SPMIP7: variants seen among roughly 807,000 people sequenced by gnomAD.
SPMIP7 encodes sperm microtubule inner protein 7.
chr7:50,120,346 A>AT, the SPMIP7 span: 1 of 152,160 alleles, frequency 6.6e-6, no homozygotes, highest in Admixed American at 6.6e-5. Context: ...AAATCTTGAA[A>AT]TTTGTAGCCA....
At chr7:50,131,917 G>A in the SPMIP7 span, among the ~76,000 whole-genome samples, 1 of 152,064 alleles carries the variant, frequency 6.6e-6, no homozygotes, top group South Asian at 2.1e-4. Flanking sequence ...GGACCTCAAA[G>A]CACTCCATAT....
chr7:50,115,030 C>CA, the SPMIP7 span, among the ~76,000 whole-genome samples: 614 of 113,648 alleles, frequency 5.4e-3, 5 homozygotes, highest in East Asian at 0.034. Flanking sequence ...ATTCTGTCTC[C>CA]AAAAAAAAAA....
chr7:50,140,197 C>A, the SPMIP7 span: 2 of 1,455,734 alleles, frequency 1.4e-6, no homozygotes, highest in Non-Finnish European at 9.1e-7. Flanking sequence ...TAATGTTTCT[C>A]AGTCTTGTAA....
the SPMIP7 span, among the ~76,000 whole-genome samples, chr7:50,114,346 A>G: frequency 2.2e-4 from 34 of 152,138 alleles, no homozygotes; most frequent in African/African-American, 8.2e-4. Context: ...AAAAAAGTAA[A>G]TTGTGTGACA....
At chr7:50,129,538 T>C in the SPMIP7 span, among the ~76,000 whole-genome samples, 1 of 151,968 alleles carries the variant, frequency 6.6e-6, no homozygotes, top group Admixed American at 6.6e-5. Flanking sequence ...AATAAAACAA[T>C]GCAAATTCCT....
the SPMIP7 span, among the ~76,000 whole-genome samples, chr7:50,129,416 T>C: frequency 6.6e-5 from 10 of 152,084 alleles, no homozygotes; most frequent in African/African-American, 1.4e-4. Context: ...TTTTTTTAAT[T>C]ACATTGTGCT....
chr7:50,112,437 C>T, the SPMIP7 span, among the ~76,000 whole-genome samples: 1 of 152,022 alleles, frequency 6.6e-6, no homozygotes, highest in East Asian at 1.9e-4. Flanking sequence ...TGACCTCACC[C>T]ACTAGATGCC....
the SPMIP7 span, among the ~76,000 whole-genome samples, chr7:50,107,097 T>G: frequency 2.0e-5 from 3 of 151,706 alleles, no homozygotes; most frequent in African/African-American, 7.3e-5. Flanking sequence ...ATTATCCAGG[T>G]GGGGTGGCAC....
the SPMIP7 span, among the ~76,000 whole-genome samples, chr7:50,118,708 C>T: frequency 2.6e-5 from 4 of 152,138 alleles, no homozygotes; most frequent in Non-Finnish European, 5.9e-5. Flanking sequence ...CACCATTGTC[C>T]CTATTACCCT....
At chr7:50,152,752 T>A in the SPMIP7 span, among the ~76,000 whole-genome samples, 28 of 152,174 alleles carry the variant, frequency 1.8e-4, no homozygotes, top group African/African-American at 5.8e-4. Context: ...AGTGGTGCGA[T>A]CTCAGCTCAC....
At chr7:50,154,204 C>T in the SPMIP7 span, among the ~76,000 whole-genome samples, 7 of 151,970 alleles carry the variant, frequency 4.6e-5, no homozygotes, top group Admixed American at 6.6e-5. Context: ...CATTAATATC[C>T]GTCATCGCCA....
At chr7:50,145,645 T>TATATATAC in the SPMIP7 span, among the ~76,000 whole-genome samples, 2 of 110,298 alleles carry the variant, frequency 1.8e-5, no homozygotes, top group Non-Finnish European at 3.8e-5. Flanking sequence ...TATATATATA[T>TATATATAC]ATATATATAT....
chr7:50,134,044 T>G, the SPMIP7 span: 1 of 1,383,394 alleles, frequency 7.2e-7, no homozygotes, highest in Non-Finnish European at 9.8e-7. Flanking sequence ...TAGTATCATA[T>G]TGTTATAAAC....
the SPMIP7 span, chr7:50,151,373 G>A: frequency 8.1e-6 from 9 of 1,110,410 alleles, no homozygotes; most frequent in Non-Finnish European, 1.0e-5. Flanking sequence ...TCATATTTGG[G>A]TGCTAGTTAC....
chr7:50,120,091 A>G, the SPMIP7 span: 1 of 152,124 alleles, frequency 6.6e-6, no homozygotes, highest in Non-Finnish European at 1.5e-5. Flanking sequence ...TTGCTGGTTC[A>G]TATCTTGCTA....
At chr7:50,140,481 T>C in the SPMIP7 span, among the ~76,000 whole-genome samples, 1 of 152,264 alleles carries the variant, frequency 6.6e-6, no homozygotes, top group Non-Finnish European at 1.5e-5. Context: ...ATACCTTGGA[T>C]GCTACCACTA....
the SPMIP7 span, among the ~76,000 whole-genome samples, chr7:50,123,520 A>G: frequency 6.6e-6 from 1 of 151,036 alleles, no homozygotes; most frequent in East Asian, 2.0e-4. Flanking sequence ...ATACATATGT[A>G]ACTAACATGC....
the SPMIP7 span, among the ~76,000 whole-genome samples, chr7:50,099,056 G>A: frequency 2.0e-5 from 3 of 152,058 alleles, no homozygotes. Flanking sequence ...CTATGATTTT[G>A]ACTACTTTAG....
the SPMIP7 span, among the ~76,000 whole-genome samples, chr7:50,152,035 C>A: frequency 4.7e-4 from 71 of 152,222 alleles, 1 homozygote; most frequent in African/African-American, 1.7e-3. Flanking sequence ...ATTTTTAAAC[C>A]CACATTTTGC....
Sources: allele counts gnomAD v4.1 joint callset (sites outside exome capture counted in the v4.1 genomes callset), GRCh38; gene constraint gnomAD v4.1.1; transcripts MANE v1.5; gene names NCBI Gene and HGNC (gene_info 2026-07-23, HGNC 2026-07-21).